The following ARHGAP15 variants were observed in gnomAD, a reference collection of about 807,000 sequenced individuals.
The protein encoded by ARHGAP15 is Rho GTPase activating protein 15.
ARHGAP15 carries 51 observed loss-of-function variants against 63.7 expected under a neutral mutation model. The observed-to-expected ratio is 0.80, with a 90% confidence interval of 0.64 to 1.01. The LOEUF is 1.01. Ranked by LOEUF, ARHGAP15 falls within the 50% of genes least tolerant of loss-of-function variation. The pLI, the probability that ARHGAP15 is intolerant of heterozygous loss-of-function variation, is 0.00. For missense variants in ARHGAP15, 560 were observed against 564.6 expected (o/e 0.99, Z 0.08); for synonymous variants, 191 against 193.8 (o/e 0.99, Z 0.12).
chr2:143,389,978 A>G (rs1197530976), intron 6 of ARHGAP15, among the ~76,000 whole-genome samples: 1 of 151,750 alleles, frequency 6.6e-6, no homozygotes, highest in Admixed American at 6.6e-5. Context: ...TCATTTAAAA[A>G]CAGGGAGCTC....
intron 13 of ARHGAP15, among the ~76,000 whole-genome samples, chr2:143,763,788 T>C (rs1686856336): frequency 6.8e-6 from 1 of 147,692 alleles, no homozygotes; most frequent in African/African-American, 2.5e-5. Context: ...ACATATAAAT[T>C]TTATGTATAT....
chr2:143,193,511 T>C (rs918880147), intron 2 of ARHGAP15: 4 of 152,658 alleles, frequency 2.6e-5, no homozygotes, highest in African/African-American at 9.6e-5. Context: ...GTTTAGGGTC[T>C]CTGAAAATCT....
intron 4 of ARHGAP15, among the ~76,000 whole-genome samples, chr2:143,226,865 C>CT (rs1558826217): frequency 6.6e-6 from 1 of 152,154 alleles, no homozygotes; most frequent in Non-Finnish European, 1.5e-5. Flanking sequence ...CAACCTAATT[C>CT]TTTTTGTAAA....
intron 6 of ARHGAP15, among the ~76,000 whole-genome samples, chr2:143,324,415 TTGG>T (rs776921459): frequency 1.3e-4 from 20 of 150,952 alleles, no homozygotes; most frequent in Middle Eastern, 3.4e-3. Flanking sequence ...GTATGTCTGT[TTGG>T]TGGGCTGCCA....
chr2:143,305,800 A>G (rs1274998455), intron 6 of ARHGAP15, among the ~76,000 whole-genome samples: 2 of 152,128 alleles, frequency 1.3e-5, no homozygotes, highest in Non-Finnish European at 2.9e-5. Flanking sequence ...GTGCTTTAGG[A>G]AAACTGGTTC....
chr2:143,610,948 C>T (rs1314022015), intron 11 of ARHGAP15, among the ~76,000 whole-genome samples: 3 of 152,020 alleles, frequency 2.0e-5, no homozygotes, highest in Admixed American at 6.6e-5. Context: ...AGGCTGGTCT[C>T]GAACTCCTCA....
intron 11 of ARHGAP15, among the ~76,000 whole-genome samples, chr2:143,588,937 T>G (rs1476922049): frequency 6.6e-6 from 1 of 152,136 alleles, no homozygotes; most frequent in Non-Finnish European, 1.5e-5. Flanking sequence ...ATAACCTACT[T>G]CCTGATTCAA....
intron 12 of ARHGAP15, among the ~76,000 whole-genome samples, chr2:143,660,652 C>A (rs1016263231): frequency 1.3e-5 from 2 of 152,160 alleles, no homozygotes; most frequent in African/African-American, 4.8e-5. Flanking sequence ...CTGGGGTCAT[C>A]TTGATTTGAG....
intron 6 of ARHGAP15, among the ~76,000 whole-genome samples, chr2:143,287,196 T>A (rs2105103801): frequency 6.6e-6 from 1 of 152,306 alleles, no homozygotes; most frequent in Admixed American, 6.5e-5. Context: ...AAAATTTGAC[T>A]AATAACAAAA....
chr2:143,528,849 T>C (rs1694402324), intron 10 of ARHGAP15, among the ~76,000 whole-genome samples: 1 of 152,142 alleles, frequency 6.6e-6, no homozygotes, highest in Admixed American at 6.6e-5. Flanking sequence ...ATGTATTTGA[T>C]ATTACATAGT....
At chr2:143,239,188 T>C (rs1259280238) in intron 5 of ARHGAP15, among the ~76,000 whole-genome samples, 3 of 136,474 alleles carry the variant, frequency 2.2e-5, no homozygotes, top group Non-Finnish European at 5.1e-5. Context: ...AACCTAAAAA[T>C]GGAAGAAAAA....
chr2:143,377,071 A>G lies in ARHGAP15; in HGVS notation c.475-58530A>G, dbSNP rs1686846181. On this transcript the variant is annotated intron_variant, in intron 6 of 13. Transcript: ENST00000295095. ...TACAAGTTTTGGATTTCGTTTACAAATGGCATATATGGACTGCTTTCCCCA... is the reference window on the plus strand; with the variant it reads ...TACAAGTTTTGGATTTCGTTTACAAGTGGCATATATGGACTGCTTTCCCCA... Among the ~76,000 whole-genome samples the G allele has an allele frequency of 2.6e-5, 4 of 152,136 alleles. No homozygotes were observed. The South Asian group carries it at 6.2e-4, about 24-fold the overall frequency.
intron 6 of ARHGAP15, among the ~76,000 whole-genome samples, chr2:143,352,986 C>A (rs1268418714): frequency 6.6e-6 from 1 of 152,054 alleles, no homozygotes; most frequent in African/African-American, 2.4e-5. Flanking sequence ...ATGAAATTTT[C>A]TGATTTAGGG....
chr2:143,231,173 A>C (rs573967044), intron 5 of ARHGAP15, among the ~76,000 whole-genome samples: 47 of 151,534 alleles, frequency 3.1e-4, no homozygotes, highest in Non-Finnish European at 5.0e-4. Flanking sequence ...ACCTGCCAAC[A>C]GAATTAGTAA....
chr2:143,556,492 G>T lies in ARHGAP15; in HGVS notation c.1003+7G>T. ...AGATTTATTGTCAACCAAGGTAAGT[G>T]ATTTCCACTTCAGAGATTTTTTCAA... On this transcript the variant is annotated splice_region_variant and intron_variant, in intron 11 of 13. Coordinates refer to ENST00000295095, the MANE Select transcript of ARHGAP15 (RefSeq NM_018460.4). 6.2e-7 allele frequency: 1 copy of T among 1,608,598 alleles called. No homozygotes were observed. Among genetic ancestry groups the T allele is most frequent in the South Asian group, 1.1e-5 (1 of 90,698 alleles).
At chr2:143,245,595 A>G (rs1694018537) in intron 5 of ARHGAP15, among the ~76,000 whole-genome samples, 1 of 151,814 alleles carries the variant, frequency 6.6e-6, no homozygotes, top group South Asian at 2.1e-4. Flanking sequence ...GAGGGTGTGG[A>G]GTTGATGCTT....
chr2:143,202,511 A>G (rs34228828), intron 3 of ARHGAP15, among the ~76,000 whole-genome samples: 25,576 of 152,040 alleles, frequency 0.17, 2,338 homozygotes, highest in Middle Eastern at 0.24. Context: ...CTTGCCACAA[A>G]GATTTCTCCA....
intron 11 of ARHGAP15, among the ~76,000 whole-genome samples, chr2:143,578,313 T>C (rs554299927): frequency 2.0e-5 from 3 of 152,204 alleles, no homozygotes; most frequent in African/African-American, 4.8e-5. Context: ...GCTAAGCACA[T>C]GTTGTCATTC....
intron 6 of ARHGAP15, among the ~76,000 whole-genome samples, chr2:143,274,936 G>A (rs948140685): frequency 1.3e-5 from 2 of 151,876 alleles, no homozygotes; most frequent in African/African-American, 4.8e-5. Flanking sequence ...CGAGGTGGGT[G>A]GATCATTTGA....
Sources: allele counts gnomAD v4.1 joint callset (sites outside exome capture counted in the v4.1 genomes callset), GRCh38; gene constraint gnomAD v4.1.1; transcripts MANE v1.5; gene names NCBI Gene and HGNC (gene_info 2026-07-23, HGNC 2026-07-21).